ITK: variants seen among roughly 807,000 people sequenced by gnomAD.
ITK encodes the protein IL2 inducible T cell kinase.
Under a neutral mutation model 87.6 loss-of-function variants are expected in ITK, and 45 were observed. The ratio of observed to expected loss-of-function variants is 0.51; its 90% CI spans 0.40 to 0.66. The LOEUF (loss-of-function observed/expected upper bound fraction) is 0.66, where lower values mean the gene tolerates loss of function less well. Among genes scored for constraint, ITK ranks in the 30% least tolerant of loss-of-function variants. The probability of loss-of-function intolerance (pLI) is 0.00; values close to 1 mark genes in which losing one functional copy is unlikely to be tolerated. For synonymous variants in ITK, 303 were observed against 273.6 expected, an observed-to-expected ratio of 1.11 and a Z score of -1.06; for missense variants, 605 against 766.3, an observed-to-expected ratio of 0.79 and a Z score of 2.48.
intron 4 of ITK, among the ~76,000 whole-genome samples, chr5:157,216,670 G>T (rs1239542749): frequency 1.3e-5 from 2 of 152,110 alleles, no homozygotes; most frequent in Non-Finnish European, 2.9e-5. Flanking sequence ...AGAGGACGAA[G>T]AAAGAGAGAC....
intron 1 of ITK, among the ~76,000 whole-genome samples, chr5:157,201,164 C>G (rs773989384): frequency 1.4e-4 from 22 of 151,860 alleles, no homozygotes; most frequent in Non-Finnish European, 1.9e-4. Context: ...TGTGATAAAA[C>G]CCCCAGTACA....
At chr5:157,204,264 CAA>C (rs1204384819) in intron 1 of ITK, among the ~76,000 whole-genome samples, 3 of 152,194 alleles carry the variant, frequency 2.0e-5, no homozygotes, top group African/African-American at 7.2e-5. Context: ...CTCAGCCTCT[CAA>C]AGATCTGGGA....
At chr5:157,185,380 G>C (rs528221282) in intron 1 of ITK, among the ~76,000 whole-genome samples, 1 of 151,754 alleles carries the variant, frequency 6.6e-6, no homozygotes, top group Non-Finnish European at 1.5e-5. Context: ...CTGGAACTAC[G>C]GGTGCGCGCC....
At chr5:157,183,524 G>T (rs1451907966) in intron 1 of ITK, among the ~76,000 whole-genome samples, 1 of 152,156 alleles carries the variant, frequency 6.6e-6, no homozygotes, top group Non-Finnish European at 1.5e-5. Flanking sequence ...CATCTGGTAA[G>T]CATCTAGTAA....
At chr5:157,244,977 G>A (rs1180679589) in intron 13 of ITK, 1 of 183,354 alleles carries the variant, frequency 5.5e-6, no homozygotes, top group Non-Finnish European at 1.2e-5. Flanking sequence ...TGTACTCCCA[G>A]CACTTTGGGA....
chr5:157,206,065 C>T (rs1754074003), intron 1 of ITK, among the ~76,000 whole-genome samples: 1 of 149,800 alleles, frequency 6.7e-6, no homozygotes, highest in South Asian at 2.1e-4. Context: ...AACTTCTGTC[C>T]ACCTCAGCCT....
chr5:157,220,781 C>T (rs1754398456), intron 5 of ITK, among the ~76,000 whole-genome samples: 1 of 152,172 alleles, frequency 6.6e-6, no homozygotes, highest in East Asian at 1.9e-4. Context: ...TGTAAGGTTC[C>T]TTTTGTTATC....
chr5:157,244,695 T>C (rs1754986508), intron 13 of ITK, among the ~76,000 whole-genome samples: 2 of 152,190 alleles, frequency 1.3e-5, no homozygotes, highest in Non-Finnish European at 2.9e-5. Context: ...TTTCACCTCC[T>C]GCATTTCAGT....
intron 15 of ITK, among the ~76,000 whole-genome samples, chr5:157,248,124 T>A (rs1486234807): frequency 6.6e-6 from 1 of 152,188 alleles, no homozygotes; most frequent in East Asian, 1.9e-4. Context: ...GTTTTGGGGA[T>A]CATGCTTTGG....
rs140503678 is a variant in ITK, at chr5:157,253,170, T to C, written c.*492T>C. 1.7e-4 allele frequency: 51 copies of C among 292,590 alleles called. 1 individual carries two copies. The East Asian group carries it at 2.2e-3, about 13-fold the overall frequency. 18.1% of individuals were successfully genotyped at this position (292,590 alleles called of 1,614,324 possible). ...GTCTTTTTCCAAGAAAACTGGTGAG[T>C]TAAGTAAGATTAGAGTGAGTGTGCT... On this transcript the variant is annotated 3_prime_UTR_variant, in exon 17 of 17. Transcript: ENST00000422843.
At chr5:157,183,807 G>A (rs919030370) in intron 1 of ITK, among the ~76,000 whole-genome samples, 2 of 152,024 alleles carry the variant, frequency 1.3e-5, no homozygotes, top group Non-Finnish European at 2.9e-5. Context: ...TATGATTCTT[G>A]CAGTTCTCAT....
intron 15 of ITK, among the ~76,000 whole-genome samples, chr5:157,247,459 A>G (rs1755044899): frequency 6.6e-6 from 1 of 152,218 alleles, no homozygotes; most frequent in Admixed American, 6.5e-5. Context: ...CCAAGCAAGC[A>G]AGGGCCCCAC....
At chr5:157,200,670 A>G (rs555919429) in intron 1 of ITK, among the ~76,000 whole-genome samples, 25 of 152,208 alleles carry the variant, frequency 1.6e-4, no homozygotes, top group Admixed American at 3.3e-4. Context: ...GATCCCAAGC[A>G]CTCATTTGGG....
In ITK at chr5:157,232,402, T is replaced by G; in HGVS notation, c.768+8T>G. On this transcript the variant is annotated splice_region_variant and intron_variant, in intron 8 of 16. Transcript: ENST00000422843. ...AAACTTCTTTTGGACACAGTAAGTC[T>G]CCTTAACCTGTCTTTTGACATAAAA... The G allele has an allele frequency of 6.3e-7, 1 of 1,582,604 alleles. No homozygotes were observed. Among genetic ancestry groups the G allele is most frequent in the Non-Finnish European group, 8.7e-7 (1 of 1,152,346 alleles).
chr5:157,248,788 T>C, intron 15 of ITK, 62 bp from the exon 16 acceptor site: 3 of 1,582,174 alleles, frequency 1.9e-6, no homozygotes, highest in South Asian at 2.2e-5. Context: ...TAGAGGCAGG[T>C]TGGTTTGTTT....
In ITK at chr5:157,253,805, G is replaced by C. The variant is rs1484856534; in HGVS notation, c.*1127G>C. ...TGTTTTTGCTCAAACCATCAGGATG[G>C]AAACAGTCAGGCACTGACTGGGGTG... On this transcript the variant is annotated 3_prime_UTR_variant, in exon 17 of 17. Coordinates refer to ENST00000422843, the MANE Select transcript of ITK (RefSeq NM_005546.4). The C allele has an allele frequency of 4.6e-6, 1 of 219,554 alleles. No individual in the cohort carries two copies. Among genetic ancestry groups the C allele is most frequent in the Non-Finnish European group, 9.1e-6 (1 of 109,556 alleles). The allele number at this position is 219,554 out of a possible 1,614,324, so 13.6% of individuals were successfully genotyped here.
At chr5:157,186,671 C>A (rs1488821237) in intron 1 of ITK, among the ~76,000 whole-genome samples, 2 of 130,352 alleles carry the variant, frequency 1.5e-5, no homozygotes, top group African/African-American at 5.8e-5. Flanking sequence ...AGTGAAACTC[C>A]GTCTCAAAAA....
At chr5:157,181,632 G>A (rs563208066) in intron 1 of ITK, among the ~76,000 whole-genome samples, 15 of 152,236 alleles carry the variant, frequency 9.9e-5, no homozygotes, top group African/African-American at 3.1e-4. Flanking sequence ...CTCAATACTC[G>A]TCGCTAGCCT....
chr5:157,194,048 C>A (rs762316411), intron 1 of ITK, among the ~76,000 whole-genome samples: 87 of 152,092 alleles, frequency 5.7e-4, no homozygotes, highest in Admixed American at 3.9e-4. Flanking sequence ...CCCAAGGAAG[C>A]AAAGTGAAAA....
Sources: gnomAD v4.1 joint callset for allele counts (sites outside exome capture counted in the v4.1 genomes callset) on GRCh38, gnomAD v4.1.1 for gene constraint, MANE v1.5 for transcripts, NCBI Gene and HGNC (gene_info 2026-07-23, HGNC 2026-07-21) for gene names.